The following APOL3 variants were observed in gnomAD, a reference collection of about 807,000 sequenced individuals.
APOL3 encodes the protein apolipoprotein L3.
Under a neutral mutation model 11.6 loss-of-function variants are expected in APOL3, and 14 were observed. That is an observed-to-expected ratio of 1.21 (90% CI 0.80 to 1.89). The LOEUF is 1.89. Ranked by LOEUF, APOL3 falls within the 40% of genes most tolerant of loss-of-function variation. The probability of loss-of-function intolerance (pLI) is 0.00; values close to 1 mark genes in which losing one functional copy is unlikely to be tolerated. For synonymous variants in APOL3, 192 were observed against 190.6 expected (o/e 1.01, Z -0.06); for missense variants, 483 against 492.1 (o/e 0.98, Z 0.17).
intron 1 of APOL3, chr22:36,149,378 G>T: frequency 7.7e-7 from 1 of 1,306,250 alleles, no homozygotes; most frequent in South Asian, 1.2e-5. Flanking sequence ...TGTCCTGTAG[G>T]GGTATGAAGA....
At chr22:36,157,870 T>G (rs2146888144) in intron 1 of APOL3, among the ~76,000 whole-genome samples, 1 of 152,082 alleles carries the variant, frequency 6.6e-6, no homozygotes, top group South Asian at 2.1e-4. Context: ...ACCAATATGG[T>G]GAAACTCTGA....
chr22:36,148,882 C>T (rs1473958941), intron 1 of APOL3, among the ~76,000 whole-genome samples, 164 bp downstream of exon 2: 1 of 152,204 alleles, frequency 6.6e-6, no homozygotes, highest in East Asian at 1.9e-4. Context: ...CCCACAGACC[C>T]TTGGGTCGGG....
intron 1 of APOL3, among the ~76,000 whole-genome samples, chr22:36,151,658 T>C (rs552432227): frequency 3.3e-5 from 5 of 152,288 alleles, no homozygotes; most frequent in East Asian, 1.9e-4. Context: ...AATAATTACA[T>C]AGAAAGCTAC....
At chr22:36,163,632 CAT>C (rs1413373208), upstream of APOL3, among the ~76,000 whole-genome samples, 1 of 152,274 alleles carries the variant, frequency 6.6e-6, no homozygotes, top group African/African-American at 2.4e-5. Context: ...ATGGTCCACA[CAT>C]AGGTACAACT....
intron 1 of APOL3, 43 bp from the exon 2 acceptor site, chr22:36,149,185 C>G: frequency 7.5e-7 from 1 of 1,336,228 alleles, no homozygotes; most frequent in Non-Finnish European, 9.9e-7. Context: ...ATGTGAGCCA[C>G]CTGTGGACAG....
chr22:36,156,798 C>T lies in APOL3; in HGVS notation c.223+3871G>A, dbSNP rs569412737. On this transcript the variant is annotated intron_variant, in intron 1 of 2. Transcript: ENST00000349314. ...GTCTCCCCGTTAAACTCTGAGCATC[C>T]GGCAGGGACCCTGCGGTGTTCCCAG... The T allele has an allele frequency of 6.1e-3, 2,129 of 350,084 alleles. 5 individuals are homozygous for T. Among genetic ancestry groups the T allele is most frequent in the Non-Finnish European group, 9.3e-3 (1,625 of 173,818 alleles). 21.7% of individuals were successfully genotyped at this position (350,084 alleles called of 1,614,324 possible).
intron 1 of APOL3, among the ~76,000 whole-genome samples, chr22:36,148,519 G>T (rs1405165095): frequency 2.0e-5 from 3 of 152,244 alleles, no homozygotes; most frequent in African/African-American, 4.8e-5. Flanking sequence ...CGTGGCAAAG[G>T]CCAGAATGGG....
exon 3 of APOL3, chr22:36,140,482 A>T (rs1267630781): frequency 6.6e-6 from 1 of 152,186 alleles, no homozygotes; most frequent in Non-Finnish European, 1.5e-5. Context: ...TTTTCTTGGT[A>T]GGTTCTCGCA....
chr22:36,140,958 C>T (rs1160453702), exon 3 of APOL3: 2 of 531,394 alleles, frequency 3.8e-6, no homozygotes, highest in Non-Finnish European at 3.3e-6. Context: ...CTTCCTATTC[C>T]CCACACTCTC....
rs761184502 is a variant in APOL3, at chr22:36,152,195, T to C, written c.224-6596A>G. On this transcript the variant is annotated intron_variant, in intron 1 of 2. Transcript: ENST00000349314. ...AAAGGGGACTCGATAGAACATTGCA[T>C]ATAATTCACAGTTTGAGAAAAACTG... Among the ~76,000 whole-genome samples, 290 of 151,860 alleles carry C rather than the reference T, an allele frequency of 1.9e-3. 4 individuals carry two copies. The highest frequency in any genetic ancestry group is 1.1e-3 in the Non-Finnish European group (72 of 67,936).
rs539250280 is a variant in APOL3 at position 36,148,636 on chromosome 22, C to T, written c.224-3037G>A. Among the ~76,000 whole-genome samples the T allele has an allele frequency of 6.8e-3, 1,037 of 152,302 alleles. 10 individuals are homozygous for T. Among genetic ancestry groups the T allele is most frequent in the African/African-American group, 0.023 (967 of 41,566 alleles). ...GGAGGGGACTGGCCTGTGCTGGAAA[C>T]ACCCCAGGGTCAGCTGGGAGCAGAG... On this transcript the variant is annotated intron_variant, in intron 1 of 2. Transcript: ENST00000349314.
Position 36,145,604 on chromosome 22 carries a change from T to A in APOL3, c.224-5A>T, listed in dbSNP as rs754574066. ...CTTCAGTAAAGCGTTTCTTTTCTAC[T>A]TGGAAACAAAAAGCATAAGATTGGA... is the stretch of plus-strand genomic sequence containing the variant. On this transcript the variant is annotated splice_polypyrimidine_tract_variant and splice_region_variant and intron_variant, in intron 1 of 2. Coordinates refer to ENST00000349314, the Ensembl canonical transcript of APOL3. The A allele has an allele frequency of 6.2e-7, 1 of 1,612,752 alleles. No individual in the cohort carries two copies. Among genetic ancestry groups the A allele is most frequent in the South Asian group, 1.1e-5 (1 of 90,910 alleles).
At chr22:36,145,980 T>TTCTCTCTC (rs71193207) in intron 1 of APOL3, among the ~76,000 whole-genome samples, 1,467 of 118,594 alleles carry the variant, frequency 0.012, 91 homozygotes, top group Admixed American at 0.11. Context: ...CTGTCTCTCT[T>TTCTCTCTC]TCTCTCTCTC....
intron 2 of APOL3, 41 bp from the exon 4 acceptor site, chr22:36,142,099 C>A: frequency 6.5e-7 from 1 of 1,546,552 alleles, no homozygotes; most frequent in Non-Finnish European, 8.7e-7. Flanking sequence ...AGGCAGCTTA[C>A]TTATCTGTAA....
intron 1 of APOL3, among the ~76,000 whole-genome samples, chr22:36,146,806 A>G (rs2060239123): frequency 6.6e-6 from 1 of 152,160 alleles, no homozygotes; most frequent in Admixed American, 6.5e-5. Context: ...AGTACAAAGC[A>G]TCTTAGTACA....
intron 2 of APOL3, among the ~76,000 whole-genome samples, chr22:36,144,566 C>T (rs1242225780): frequency 6.6e-6 from 1 of 152,162 alleles, no homozygotes; most frequent in Non-Finnish European, 1.5e-5. Context: ...TCTCTGTGTT[C>T]TGTGTCAGCA....
upstream of APOL3, chr22:36,164,733 T>C (rs2013816575): frequency 1.3e-5 from 2 of 152,224 alleles, no homozygotes; most frequent in African/African-American, 4.8e-5. Context: ...TAACAACTTC[T>C]GGTTTCAGTC....
At chr22:36,141,593 G>T (rs775675938) in exon 3 of APOL3, 7 of 1,614,210 alleles carry the variant, frequency 4.3e-6, no homozygotes, top group Admixed American at 1.7e-5. Context: ...TGGGTGTGAT[G>T]TCACGCATAA....
At chr22:36,153,528 C>T in intron 1 of APOL3, 1 of 401,954 alleles carries the variant, frequency 2.5e-6, no homozygotes, top group Non-Finnish European at 5.1e-6. Flanking sequence ...TCCAGTGGCA[C>T]CTTGCCACTC....
Sources: gnomAD v4.1 joint callset for allele counts (sites outside exome capture counted in the v4.1 genomes callset) on GRCh38, gnomAD v4.1.1 for gene constraint, MANE v1.5 for transcripts, NCBI Gene and HGNC (gene_info 2026-07-23, HGNC 2026-07-21) for gene names.